The following KIF6 variants were observed in gnomAD, a reference collection of about 807,000 sequenced individuals.
KIF6 encodes kinesin family member 6.
In KIF6, 106 loss-of-function variants were observed where a neutral mutation model predicts 112.7. The ratio of observed to expected loss-of-function variants is 0.94; its 90% confidence interval spans 0.80 to 1.11. The LOEUF (loss-of-function observed/expected upper bound fraction) is 1.11. KIF6 is among the 50% of genes least tolerant of loss of function. KIF6 has a pLI of 0.00. For missense variants in KIF6, 929 were observed against 964.0 expected (o/e 0.96, Z 0.48); for synonymous variants, 339 against 339.9 (o/e 1.00, Z 0.03).
chr6:39,691,593 C>G (rs903924429), intron 3 of KIF6: 1 of 152,088 alleles, frequency 6.6e-6, no homozygotes, highest in Non-Finnish European at 1.5e-5. Context: ...AAATGACAAT[C>G]TTATAAAGAT....
intron 3 of KIF6, among the ~76,000 whole-genome samples, chr6:39,674,315 A>G (rs921453748): frequency 1.3e-5 from 2 of 152,332 alleles, no homozygotes; most frequent in Admixed American, 1.3e-4. Flanking sequence ...GAAAGAGGAC[A>G]GGGGCCATAA....
intron 15 of KIF6, among the ~76,000 whole-genome samples, chr6:39,385,985 T>C (rs1199168567): frequency 6.6e-6 from 1 of 152,220 alleles, no homozygotes; most frequent in Admixed American, 6.5e-5. Flanking sequence ...TAAATGGTTC[T>C]TTCTATTATT....
chr6:39,453,727 C>A (rs1581890701), intron 13 of KIF6, among the ~76,000 whole-genome samples: 1 of 152,194 alleles, frequency 6.6e-6, no homozygotes, highest in African/African-American at 2.4e-5. Context: ...AAAAAAAGGG[C>A]AGAATATAAC....
At chr6:39,476,163 C>G (rs944600494) in intron 13 of KIF6, among the ~76,000 whole-genome samples, 4 of 150,550 alleles carry the variant, frequency 2.7e-5, no homozygotes, top group African/African-American at 4.9e-5. Flanking sequence ...ACTTATGTAA[C>G]AAACCTGCAC....
At chr6:39,671,695 A>C (rs1786824695) in intron 3 of KIF6, among the ~76,000 whole-genome samples, 1 of 152,170 alleles carries the variant, frequency 6.6e-6, no homozygotes, top group African/African-American at 2.4e-5. Flanking sequence ...TGTTTTTCTA[A>C]AGCTCTACCT....
chr6:39,500,333 C>A (rs769174969), intron 13 of KIF6, among the ~76,000 whole-genome samples: 6 of 152,058 alleles, frequency 3.9e-5, no homozygotes, highest in Non-Finnish European at 7.4e-5. Context: ...AAGAAAGTCC[C>A]CAGAGTCCAG....
chr6:39,556,471 C>G (rs781634587), intron 10 of KIF6, among the ~76,000 whole-genome samples: 1 of 152,136 alleles, frequency 6.6e-6, no homozygotes, highest in Non-Finnish European at 1.5e-5. Context: ...AGAAGTTAAA[C>G]TGGCTTCGAA....
At chr6:39,575,822 C>T (rs370707893) in intron 10 of KIF6, among the ~76,000 whole-genome samples, 1 of 152,114 alleles carries the variant, frequency 6.6e-6, no homozygotes, top group South Asian at 2.1e-4. Flanking sequence ...AGACGTGGAG[C>T]AATTATTATG....
intron 15 of KIF6, among the ~76,000 whole-genome samples, chr6:39,387,120 T>C (rs552686350): frequency 1.6e-4 from 24 of 152,302 alleles, no homozygotes; most frequent in African/African-American, 5.8e-4. Flanking sequence ...GAATCCCTTC[T>C]ACAGAAGGAA....
At chr6:39,417,675 T>C (rs553387116) in intron 15 of KIF6, among the ~76,000 whole-genome samples, 1 of 152,292 alleles carries the variant, frequency 6.6e-6, no homozygotes, top group Non-Finnish European at 1.5e-5. Flanking sequence ...GCAAACTTGC[T>C]CCACCAACAT....
chr6:39,641,414 T>A (rs1320911621), intron 3 of KIF6, among the ~76,000 whole-genome samples: 1 of 151,668 alleles, frequency 6.6e-6, no homozygotes, highest in African/African-American at 2.4e-5. Flanking sequence ...AAACACCACA[T>A]GTCCTCACTC....
intron 3 of KIF6, among the ~76,000 whole-genome samples, chr6:39,685,735 T>C (rs942722723): frequency 5.3e-5 from 8 of 152,230 alleles, no homozygotes; most frequent in South Asian, 4.1e-4. Flanking sequence ...ATGGAAGGCT[T>C]AAATGGTGTT....
At chr6:39,704,934 T>C (rs1352883661) in intron 3 of KIF6, among the ~76,000 whole-genome samples, 1 of 152,236 alleles carries the variant, frequency 6.6e-6, no homozygotes, top group Non-Finnish European at 1.5e-5. Flanking sequence ...CCCTGTGTTA[T>C]GACATAGGTC....
chr6:39,486,648 A>T (rs1775132133), intron 13 of KIF6, among the ~76,000 whole-genome samples: 1 of 152,130 alleles, frequency 6.6e-6, no homozygotes, highest in South Asian at 2.1e-4. Context: ...TTTGCCGCAA[A>T]CTCTACATAT....
At chr6:39,412,322 T>G (rs527623628) in intron 15 of KIF6, among the ~76,000 whole-genome samples, 18 of 152,364 alleles carry the variant, frequency 1.2e-4, no homozygotes, top group Non-Finnish European at 2.5e-4. Flanking sequence ...ATACCTGAAC[T>G]GTTACAGAGA....
chr6:39,388,715 T>C (rs1767625419), intron 15 of KIF6, among the ~76,000 whole-genome samples: 1 of 152,176 alleles, frequency 6.6e-6, no homozygotes. Context: ...TCACTCAGCA[T>C]GCAGCTTGCT....
intron 9 of KIF6, among the ~76,000 whole-genome samples, chr6:39,584,435 A>ACT (rs1781492860): frequency 9.8e-6 from 1 of 102,280 alleles, no homozygotes; most frequent in African/African-American, 7.3e-5. Flanking sequence ...AAAAAAAAAA[A>ACT]AAAAAAAAAA....
intron 13 of KIF6, among the ~76,000 whole-genome samples, chr6:39,528,061 A>T (rs1777834482): frequency 6.6e-6 from 1 of 152,176 alleles, no homozygotes; most frequent in Non-Finnish European, 1.5e-5. Flanking sequence ...CTCAAAGTAA[A>T]AGACAACACT....
At chr6:39,425,000 T>A (rs1041637922) in intron 14 of KIF6, among the ~76,000 whole-genome samples, 1 of 152,002 alleles carries the variant, frequency 6.6e-6, no homozygotes, top group African/African-American at 2.4e-5. Flanking sequence ...TGCTGTGGGG[T>A]GTGTCAGGCG....
Sources: gnomAD v4.1 joint callset for allele counts (sites outside exome capture counted in the v4.1 genomes callset) on GRCh38, gnomAD v4.1.1 for gene constraint, MANE v1.5 for transcripts, NCBI Gene and HGNC (gene_info 2026-07-23, HGNC 2026-07-21) for gene names.